Variants in TSPAN9 observed in about 807,000 individuals in gnomAD.
The protein encoded by TSPAN9 is tetraspanin-9.
TSPAN9 carries 16 observed loss-of-function variants against 31.0 expected under a neutral mutation model. That is an observed-to-expected ratio of 0.52 (90% CI 0.35 to 0.78). The LOEUF (loss-of-function observed/expected upper bound fraction) is 0.78, where lower values mean the gene tolerates loss of function less well. Ranked by LOEUF, TSPAN9 falls within the 30% of genes least tolerant of loss-of-function variation. The pLI is 0.01. For synonymous variants in TSPAN9, 145 were observed against 121.6 expected, an observed-to-expected ratio of 1.19 and a Z score of -1.27; for missense variants, 272 against 312.5, an observed-to-expected ratio of 0.87 and a Z score of 0.98.
chr12:3,278,600 C>T lies in TSPAN9; in HGVS notation c.243C>T (p.Cys81=), dbSNP rs531308358. The T allele has an allele frequency of 2.5e-6, 4 of 1,613,978 alleles. No homozygotes were observed. The highest frequency in any genetic ancestry group is 3.4e-6 in the Non-Finnish European group (4 of 1,179,944). The part of the protein sequence containing the change: ...GCLGAIKENK[C]LLLSFFIVLL... ...TGGGGGCCATCAAGGAAAACAAGTG[C>T]CTCCTCCTCAGCGTAAGTTCTGTCC... Residue 81 remains cysteine, a synonymous_variant, in exon 4 of 9, where the codon TGC becomes TGT. Coordinates refer to ENST00000011898, the MANE Select transcript of TSPAN9 (RefSeq NM_006675.5).
In TSPAN9 at chr12:3,168,657, G is replaced by A. The variant is rs11831392; in HGVS notation, c.-17-32520G>A. ...CTCTTTACGAATGGATGTCTCAAGA[G>A]CAGTTACAGGCATTGGGAAAAAATT... is the stretch of plus-strand genomic sequence containing the variant. On this transcript the variant is annotated intron_variant, in intron 2 of 8. Coordinates refer to ENST00000011898, the MANE Select transcript of TSPAN9 (RefSeq NM_006675.5). This position sits in a 1 kb window ranked among gnomAD's most constrained non-coding sequence, Gnocchi z 4.0. 0.028 allele frequency among the ~76,000 whole-genome samples: 4,328 copies of A among 152,256 alleles called. 198 individuals are homozygous for A. Among genetic ancestry groups the A allele is most frequent in the African/African-American group, 0.098 (4,087 of 41,518 alleles).
At chr12:3,219,471 G>A (rs181930930) in intron 3 of TSPAN9, among the ~76,000 whole-genome samples, 135 of 152,268 alleles carry the variant, frequency 8.9e-4, no homozygotes, top group Non-Finnish European at 1.3e-3. Flanking sequence ...TGTCCAAGGC[G>A]GACCTTCTGT....
chr12:3,276,002 T>C (rs1009253611), intron 3 of TSPAN9, among the ~76,000 whole-genome samples: 2 of 152,178 alleles, frequency 1.3e-5, no homozygotes, highest in African/African-American at 4.8e-5. Flanking sequence ...AATTGGACCA[T>C]TTCTCACCGC....
intron 3 of TSPAN9, among the ~76,000 whole-genome samples, chr12:3,251,681 C>G (rs2153978158): frequency 6.6e-6 from 1 of 152,286 alleles, no homozygotes; most frequent in East Asian, 1.9e-4. Flanking sequence ...GACAGAGGGA[C>G]ACACAGGACG....
At chr12:3,221,585 C>G (rs1385148735) in intron 3 of TSPAN9, among the ~76,000 whole-genome samples, 1 of 152,148 alleles carries the variant, frequency 6.6e-6, no homozygotes, top group Non-Finnish European at 1.5e-5. Flanking sequence ...TCTTGAACTC[C>G]TGACCTCAGG....
intron 2 of TSPAN9, among the ~76,000 whole-genome samples, chr12:3,105,656 G>A (rs1241879364): frequency 6.6e-6 from 1 of 151,968 alleles, no homozygotes; most frequent in Non-Finnish European, 1.5e-5. Flanking sequence ...TGGGGTGAGG[G>A]TCCCTGCCCT....
At chr12:3,105,251 G>A (rs2098313719) in intron 2 of TSPAN9, among the ~76,000 whole-genome samples, 1 of 152,208 alleles carries the variant, frequency 6.6e-6, no homozygotes, top group Non-Finnish European at 1.5e-5. Context: ...CGGCAGATGT[G>A]CCGTCCTCTC....
intron 3 of TSPAN9, among the ~76,000 whole-genome samples, chr12:3,246,665 C>G (rs1468467726): frequency 6.6e-6 from 1 of 152,250 alleles, no homozygotes; most frequent in Non-Finnish European, 1.5e-5. Flanking sequence ...GACCATGACA[C>G]TCCCATTCCT....
rs1565645130 is a variant in TSPAN9, at chr12:3,280,487, CG to C, written c.432+7del. 6.2e-7 allele frequency: 1 copy of C among 1,609,954 alleles called. No individual in the cohort carries two copies. Among genetic ancestry groups the C allele is most frequent in the Non-Finnish European group, 8.5e-7 (1 of 1,179,526 alleles). Reference sequence around the variant, plus strand: ...CTGGAACATCATCCAGGCTGAGGTGCGGGCTGGGCCGCCCTGGTGGGGCCAG... The same window carrying C: ...CTGGAACATCATCCAGGCTGAGGTGCGGCTGGGCCGCCCTGGTGGGGCCAG... On this transcript the variant is annotated splice_donor_5th_base_variant and intron_variant, in intron 6 of 8. Coordinates refer to ENST00000011898, the MANE Select transcript of TSPAN9 (RefSeq NM_006675.5). This position sits in a 1 kb window ranked among gnomAD's most constrained non-coding sequence, Gnocchi z 4.5.
At chr12:3,242,045 C>T (rs1200591734) in intron 3 of TSPAN9, among the ~76,000 whole-genome samples, 3 of 152,214 alleles carry the variant, frequency 2.0e-5, no homozygotes, top group Non-Finnish European at 4.4e-5. Flanking sequence ...GGGGAGAGAA[C>T]ATTCTTGCTC....
Position 3,123,950 on chromosome 12 carries a change from G to A in TSPAN9, c.-18+40231G>A, listed in dbSNP as rs375044023. 6.6e-5 allele frequency among the ~76,000 whole-genome samples: 10 copies of A among 152,324 alleles called. No individual in the cohort carries two copies. The East Asian group carries it at 1.9e-3, about 29-fold the overall frequency. ...AGCTGTGCAGGGAGGAGGCAGAGGT[G>A]AGCCGGGCTTGGTCCTTGCACTCCT... On this transcript the variant is annotated intron_variant, in intron 2 of 8. Coordinates refer to ENST00000011898, the MANE Select transcript of TSPAN9 (RefSeq NM_006675.5).
At chr12:3,127,534 T>C (rs2098327912) in intron 2 of TSPAN9, among the ~76,000 whole-genome samples, 1 of 151,910 alleles carries the variant, frequency 6.6e-6, no homozygotes, top group African/African-American at 2.4e-5. Flanking sequence ...TTTTTGTATT[T>C]TTAGTAGAGA....
chr12:3,237,454 C>G (rs1357256413), intron 3 of TSPAN9, among the ~76,000 whole-genome samples: 2 of 152,248 alleles, frequency 1.3e-5, no homozygotes, highest in Non-Finnish European at 2.9e-5. Flanking sequence ...AACAGAGTGT[C>G]CCTCTGGCCG....
At chr12:3,164,263 G>C (rs1284482643) in intron 2 of TSPAN9, among the ~76,000 whole-genome samples, 1 of 152,118 alleles carries the variant, frequency 6.6e-6, no homozygotes, top group Non-Finnish European at 1.5e-5. Flanking sequence ...TCAGACATAG[G>C]GTCTACAAAG....
At chr12:3,152,626 C>T (rs1174129113) in intron 2 of TSPAN9, among the ~76,000 whole-genome samples, 1 of 151,906 alleles carries the variant, frequency 6.6e-6, no homozygotes, top group African/African-American at 2.4e-5. Flanking sequence ...CGCTCTGTTG[C>T]CCAGGCTGGT....
At chr12:3,181,128 G>A (rs1402780591) in intron 2 of TSPAN9, among the ~76,000 whole-genome samples, 5 of 152,166 alleles carry the variant, frequency 3.3e-5, no homozygotes, top group South Asian at 2.1e-4. Flanking sequence ...TCTTATGTGC[G>A]AGCGGCTGGC....
At chr12:3,205,677 AGAG>A (rs2098374690) in intron 3 of TSPAN9, among the ~76,000 whole-genome samples, 1 of 151,642 alleles carries the variant, frequency 6.6e-6, no homozygotes, top group African/African-American at 2.4e-5. Flanking sequence ...ATCTCCAGGC[AGAG>A]GAGACACAGG....
chr12:3,262,228 C>T (rs1297267548), intron 3 of TSPAN9, among the ~76,000 whole-genome samples: 3 of 152,242 alleles, frequency 2.0e-5, no homozygotes, highest in African/African-American at 7.2e-5. Flanking sequence ...CTAAATCCCT[C>T]CACTTGCAGT....
chr12:3,142,860 G>A (rs957553155), intron 2 of TSPAN9, among the ~76,000 whole-genome samples: 1 of 152,208 alleles, frequency 6.6e-6, no homozygotes, highest in African/African-American at 2.4e-5. Context: ...AGATTTCACT[G>A]TTCCCACGAG....
Sources: allele counts gnomAD v4.1 joint callset (sites outside exome capture counted in the v4.1 genomes callset), GRCh38; gene constraint gnomAD v4.1.1; non-coding constraint Gnocchi (gnomAD v3.1); transcripts MANE v1.5; gene names NCBI Gene and HGNC (gene_info 2026-07-23, HGNC 2026-07-21).